CSMD1: variants seen among roughly 807,000 people sequenced by gnomAD.
CSMD1 encodes CUB and Sushi multiple domains 1.
A neutral mutation model predicts 417.5 loss-of-function variants in CSMD1; 213 were observed. The ratio of observed to expected loss-of-function variants is 0.51; its 90% confidence interval spans 0.46 to 0.57. The LOEUF (loss-of-function observed/expected upper bound fraction) is 0.57. Among genes scored for constraint, CSMD1 ranks in the 20% least tolerant of loss-of-function variants. The probability of loss-of-function intolerance (pLI) is 0.00; values close to 1 mark genes in which losing one functional copy is unlikely to be tolerated. For synonymous variants in CSMD1, 2,862 were observed against 1,736.8 expected (o/e 1.65, Z -16.11); for missense variants, 6,923 against 4,529.7 (o/e 1.53, Z -15.17).
At chr8:3,364,383 A>G in intron 20 of CSMD1, among the ~76,000 whole-genome samples, 1 of 152,042 alleles carries the variant, frequency 6.6e-6, no homozygotes, top group South Asian at 2.1e-4. Context: ...TTTAGGTATT[A>G]TTTTCTACTG....
intron 5 of CSMD1, among the ~76,000 whole-genome samples, chr8:3,868,395 T>A (rs1585115182): frequency 6.6e-6 from 1 of 152,106 alleles, no homozygotes; most frequent in African/African-American, 2.4e-5. Context: ...AGGTCCCTGC[T>A]GTGCAGATGG....
chr8:4,991,189 T>C (rs924996898), intron 1 of CSMD1, among the ~76,000 whole-genome samples: 1 of 152,190 alleles, frequency 6.6e-6, no homozygotes, highest in African/African-American at 2.4e-5. Flanking sequence ...CGAGCCAGCA[T>C]ACACAGAATT....
chr8:4,791,059 G>GGAGAGAGACGGT lies in CSMD1; in HGVS notation c.86-153513_86-153502dup, dbSNP rs137905173. On this transcript the variant is annotated intron_variant, in intron 1 of 69. Transcript: ENST00000635120. ...GTAAATGGGAAACACAAGCTAGTAG[G>GGAGAGAGACGGT]GAGAGAGACGGTGAGAGAGACGGTG... Among the ~76,000 whole-genome samples, 679 of 143,804 alleles carry GGAGAGAGACGGT rather than the reference G, an allele frequency of 4.7e-3. 1 individual carries two copies. The highest frequency in any genetic ancestry group is 0.016 in the African/African-American group (617 of 39,054). The allele number at this position is 143,804 out of a possible 152,430, so 94.3% of individuals were successfully genotyped here. A position where few individuals can be genotyped will look rare whatever the true frequency, so the allele number is the denominator to read the frequency against.
At chr8:4,572,472 C>T (rs1563298330) in intron 2 of CSMD1, among the ~76,000 whole-genome samples, 1 of 152,216 alleles carries the variant, frequency 6.6e-6, no homozygotes, top group African/African-American at 2.4e-5. Flanking sequence ...AGTAGGGTTT[C>T]TGCAGAGAGA....
intron 5 of CSMD1, among the ~76,000 whole-genome samples, chr8:3,900,121 G>T (rs1209551205): frequency 6.6e-6 from 1 of 151,994 alleles, no homozygotes; most frequent in Non-Finnish European, 1.5e-5. Context: ...ACTGTAGCTG[G>T]GTGACACTGC....
chr8:3,967,228 T>C (rs561037903), intron 5 of CSMD1, among the ~76,000 whole-genome samples: 1 of 152,290 alleles, frequency 6.6e-6, no homozygotes, highest in African/African-American at 2.4e-5. Flanking sequence ...ACTTCAGCTA[T>C]TTTCCTATTC....
intron 2 of CSMD1, among the ~76,000 whole-genome samples, chr8:4,442,622 C>G (rs1798549305): frequency 6.6e-6 from 1 of 152,094 alleles, no homozygotes; most frequent in Non-Finnish European, 1.5e-5. Flanking sequence ...GAAGCAAGCC[C>G]TCTGGATTGC....
At chr8:4,053,644 T>C (rs1798547096) in intron 3 of CSMD1, among the ~76,000 whole-genome samples, 1 of 152,108 alleles carries the variant, frequency 6.6e-6, no homozygotes, top group Admixed American at 6.6e-5. Flanking sequence ...TTGCATAGAG[T>C]GTCATATACA....
intron 3 of CSMD1, among the ~76,000 whole-genome samples, chr8:4,238,482 G>C (rs536711611): frequency 6.6e-6 from 1 of 152,296 alleles, no homozygotes; most frequent in South Asian, 2.1e-4. Flanking sequence ...CTTAGGGTAA[G>C]GAGGCACATT....
chr8:3,844,249 C>T (rs767655055), intron 5 of CSMD1, among the ~76,000 whole-genome samples: 60 of 152,236 alleles, frequency 3.9e-4, no homozygotes, highest in Admixed American at 7.2e-4. Context: ...CTGTTGAGAG[C>T]AAGTTCCTGA....
chr8:3,114,228 C>A (rs10091911), intron 42 of CSMD1, among the ~76,000 whole-genome samples: 32,361 of 151,862 alleles, frequency 0.21, 3,721 homozygotes, highest in African/African-American at 0.29. Context: ...TGGGCAACAG[C>A]CTGAGACTCC....
intron 2 of CSMD1, among the ~76,000 whole-genome samples, chr8:4,631,136 G>C (rs1044985946): frequency 6.6e-6 from 1 of 152,156 alleles, no homozygotes; most frequent in Non-Finnish European, 1.5e-5. Context: ...GCCGAGGCGG[G>C]TGGATCACGA....
At chr8:3,680,257 T>C (rs1369401952) in intron 7 of CSMD1, among the ~76,000 whole-genome samples, 9 of 152,080 alleles carry the variant, frequency 5.9e-5, no homozygotes, top group South Asian at 2.1e-4. Flanking sequence ...AGCTGGTTTT[T>C]TGAAAAGATC....
intron 5 of CSMD1, among the ~76,000 whole-genome samples, chr8:3,817,036 T>C (rs536618405): frequency 1.8e-4 from 28 of 151,904 alleles, no homozygotes; most frequent in African/African-American, 6.5e-4. Flanking sequence ...TTTTAGGAGA[T>C]GACAAGAGAG....
chr8:3,842,590 G>T lies in CSMD1; in HGVS notation c.819-88548C>A, dbSNP rs753027144. Among the ~76,000 whole-genome samples, 21 of 152,000 alleles carry T rather than the reference G, an allele frequency of 1.4e-4. 1 individual carries two copies. The highest frequency in any genetic ancestry group is 2.6e-4 in the Non-Finnish European group (18 of 67,990). ...AGTAGAAATAACACATAAATCTCTTGCCTATATGGAAGTTACATCAAGAAG... is the reference window on the plus strand; with the variant it reads ...AGTAGAAATAACACATAAATCTCTTTCCTATATGGAAGTTACATCAAGAAG... On this transcript the variant is annotated intron_variant, in intron 5 of 69. Transcript: ENST00000635120.
In CSMD1 at chr8:3,171,018, T is replaced by G. The variant is rs529449527; in HGVS notation, c.5726-8741A>C. On this transcript the variant is annotated intron_variant, in intron 37 of 69. Coordinates refer to ENST00000635120, the MANE Select transcript of CSMD1 (RefSeq NM_033225.6). ...TAATGATCTGCTCAAAGTGACATTTTGGAATAAATCTGAGCATGGTGTTGT... is the reference window on the plus strand; with the variant it reads ...TAATGATCTGCTCAAAGTGACATTTGGGAATAAATCTGAGCATGGTGTTGT... 2.0e-5 allele frequency among the ~76,000 whole-genome samples: 3 copies of G among 152,322 alleles called. No homozygotes were observed. In the East Asian group the frequency reaches 5.8e-4, roughly 29 times the overall value.
At position 4,364,513 on chromosome 8, in the gene CSMD1, G is replaced by C. The variant is rs533432212; in HGVS notation, c.415+55440C>G. On this transcript the variant is annotated intron_variant, in intron 3 of 69. Transcript: ENST00000635120. ...CTTTCTAGAAGACTCTACATTGTCAGTTAAAACATTTTTTAAAAAGATAAT... is the reference window on the plus strand; with the variant it reads ...CTTTCTAGAAGACTCTACATTGTCACTTAAAACATTTTTTAAAAAGATAAT... 1.8e-3 allele frequency among the ~76,000 whole-genome samples: 279 copies of C among 152,184 alleles called. 2 individuals carry two copies. Among genetic ancestry groups the C allele is most frequent in the African/African-American group, 6.4e-3 (265 of 41,534 alleles).
At chr8:3,228,512 T>A (rs1798646349) in intron 27 of CSMD1, among the ~76,000 whole-genome samples, 1 of 152,212 alleles carries the variant, frequency 6.6e-6, no homozygotes, top group Non-Finnish European at 1.5e-5. Flanking sequence ...TTTCAGCTTG[T>A]CCTTGAAGCT....
chr8:3,805,928 C>G (rs180731513), intron 5 of CSMD1, among the ~76,000 whole-genome samples: 1 of 152,156 alleles, frequency 6.6e-6, no homozygotes, highest in South Asian at 2.1e-4. Context: ...CCAGAAAGCA[C>G]TGACACACCT....
Sources: allele counts gnomAD v4.1 joint callset (sites outside exome capture counted in the v4.1 genomes callset), GRCh38; gene constraint gnomAD v4.1.1; transcripts MANE v1.5; gene names NCBI Gene and HGNC (gene_info 2026-07-23, HGNC 2026-07-21).